The following DTD1 variants were observed in gnomAD, a reference collection of about 807,000 sequenced individuals.
The protein encoded by DTD1 is D-tyrosyl-tRNA deacylase 1 homolog.
A neutral mutation model predicts 25.6 loss-of-function variants in DTD1; 13 were observed. The observed-to-expected ratio is 0.51, with a 90% confidence interval of 0.33 to 0.81. The LOEUF is 0.81. Ranked by LOEUF, DTD1 falls within the 30% of genes least tolerant of loss-of-function variation. The probability of loss-of-function intolerance (pLI) is 0.02; values close to 1 mark genes in which losing one functional copy is unlikely to be tolerated. For synonymous variants in DTD1, 110 were observed against 103.6 expected (o/e 1.06, Z -0.37); for missense variants, 193 against 266.4 (o/e 0.72, Z 1.92).
At chr20:18,734,390 T>A (rs914483690) in intron 4 of DTD1, among the ~76,000 whole-genome samples, 4 of 152,210 alleles carry the variant, frequency 2.6e-5, no homozygotes, top group African/African-American at 9.6e-5. Context: ...TGGCCAGTGG[T>A]GATGTCCTCT....
chr20:18,612,301 TG>T, intron 3 of DTD1, among the ~76,000 whole-genome samples: 1 of 152,270 alleles, frequency 6.6e-6, no homozygotes, highest in South Asian at 2.1e-4. Context: ...CCCAAAGTGC[TG>T]GGATTACAGG....
chr20:18,743,147 A>G (rs1172913313), intron 4 of DTD1, among the ~76,000 whole-genome samples: 2 of 152,186 alleles, frequency 1.3e-5, no homozygotes, highest in Non-Finnish European at 2.9e-5. Context: ...TTGAAGAACT[A>G]TTCAGGGAAG....
chr20:18,595,324 T>C (rs1488257402), intron 2 of DTD1, among the ~76,000 whole-genome samples: 2 of 152,152 alleles, frequency 1.3e-5, no homozygotes, highest in African/African-American at 2.4e-5. Context: ...TGGAGTGCAG[T>C]GGTGCAATCT....
intron 4 of DTD1, among the ~76,000 whole-genome samples, chr20:18,655,186 G>C (rs982493578): frequency 7.9e-5 from 12 of 152,190 alleles, no homozygotes; most frequent in Admixed American, 7.2e-4. Flanking sequence ...TGGTGGGAAT[G>C]CTTCCAATTT....
intron 4 of DTD1, among the ~76,000 whole-genome samples, chr20:18,645,597 T>G (rs554761847): frequency 1.5e-4 from 23 of 152,370 alleles, no homozygotes; most frequent in African/African-American, 5.5e-4. Flanking sequence ...AATAGTGGAA[T>G]ACTATACAAA....
At chr20:18,691,599 G>A (rs1348626439) in intron 4 of DTD1, among the ~76,000 whole-genome samples, 3 of 152,128 alleles carry the variant, frequency 2.0e-5, no homozygotes, top group Admixed American at 2.0e-4. Context: ...AGCAGACACT[G>A]GAGACTACTA....
chr20:18,756,985 C>T (rs1267697724), intron 5 of DTD1, among the ~76,000 whole-genome samples: 3 of 148,734 alleles, frequency 2.0e-5, no homozygotes, highest in East Asian at 2.0e-4. Context: ...AGGTCCTTCA[C>T]ATCCCTTGTA....
chr20:18,642,908 T>TCTTTTCTTTC (rs2060834747), intron 4 of DTD1: 1 of 151,758 alleles, frequency 6.6e-6, no homozygotes, highest in African/African-American at 2.4e-5. Flanking sequence ...TTTCTTTCTT[T>TCTTTTCTTTC]CTTTTCTTTT....
At chr20:18,639,440 G>A (rs1600337043) in intron 4 of DTD1, among the ~76,000 whole-genome samples, 1 of 152,142 alleles carries the variant, frequency 6.6e-6, no homozygotes, top group Non-Finnish European at 1.5e-5. Context: ...TTTTGGAAAA[G>A]TATGTTTCCT....
rs142174387 is a variant in DTD1, at chr20:18,715,458, G to A, written c.478-28642G>A. On this transcript the variant is annotated intron_variant, in intron 4 of 5. Transcript: ENST00000377452. Reference sequence around the variant, plus strand: ...AGTGGTTGCTAAGTGGTGTCTGGCCGTGTACTGGGCTACAGCATTCACGGT... The same window carrying A: ...AGTGGTTGCTAAGTGGTGTCTGGCCATGTACTGGGCTACAGCATTCACGGT... 1.6e-3 allele frequency among the ~76,000 whole-genome samples: 237 copies of A among 152,304 alleles called. 1 individual carries two copies. Among genetic ancestry groups the A allele is most frequent in the African/African-American group, 4.4e-3 (182 of 41,564 alleles).
chr20:18,676,894 C>A (rs1274619287), intron 4 of DTD1, among the ~76,000 whole-genome samples: 2 of 152,170 alleles, frequency 1.3e-5, no homozygotes, highest in Admixed American at 1.3e-4. Flanking sequence ...TCAAGCCCCC[C>A]AAAAGGGCAG....
At chr20:18,688,793 G>A (rs2061028608) in intron 4 of DTD1, among the ~76,000 whole-genome samples, 1 of 152,036 alleles carries the variant, frequency 6.6e-6, no homozygotes, top group African/African-American at 2.4e-5. Flanking sequence ...GTGTTTAATT[G>A]GGTAACCCGT....
intron 4 of DTD1, among the ~76,000 whole-genome samples, chr20:18,662,123 G>T (rs1441904575): frequency 1.3e-5 from 2 of 152,284 alleles, no homozygotes; most frequent in East Asian, 1.9e-4. Context: ...CTGCGGTCCA[G>T]CCTGGGTGAC....
chr20:18,738,309 G>A (rs1321326153), intron 4 of DTD1, among the ~76,000 whole-genome samples: 4 of 152,180 alleles, frequency 2.6e-5, no homozygotes, highest in Admixed American at 6.5e-5. Flanking sequence ...CTTGCTGGGC[G>A]TTGCTGTCTT....
At chr20:18,706,653 A>G (rs916948697) in intron 4 of DTD1, among the ~76,000 whole-genome samples, 5 of 152,226 alleles carry the variant, frequency 3.3e-5, no homozygotes, top group Non-Finnish European at 5.9e-5. Context: ...GAGGAGCTGG[A>G]TTAATAGGTA....
At chr20:18,760,848 G>T (rs1478915220) in intron 5 of DTD1, among the ~76,000 whole-genome samples, 1 of 152,206 alleles carries the variant, frequency 6.6e-6, no homozygotes, top group Non-Finnish European at 1.5e-5. Context: ...GTCTACAGAG[G>T]CAGGCAGGCC....
intron 4 of DTD1, among the ~76,000 whole-genome samples, chr20:18,697,478 G>A (rs955289226): frequency 1.3e-5 from 2 of 152,108 alleles, no homozygotes; most frequent in African/African-American, 4.8e-5. Flanking sequence ...GGGATCAGAA[G>A]TGTTTTGGAT....
At chr20:18,693,672 A>AG (rs1555800989) in intron 4 of DTD1, among the ~76,000 whole-genome samples, 5 of 151,446 alleles carry the variant, frequency 3.3e-5, no homozygotes, top group Non-Finnish European at 5.9e-5. Context: ...AAAAAAAAAA[A>AG]ATTGTCTTCC....
intron 4 of DTD1, among the ~76,000 whole-genome samples, chr20:18,629,473 G>C (rs2060774545): frequency 6.6e-6 from 1 of 151,392 alleles, no homozygotes; most frequent in African/African-American, 2.4e-5. Context: ...GCTAATTTTT[G>C]AATTTGTGTA....
Sources: gnomAD v4.1 joint callset for allele counts (sites outside exome capture counted in the v4.1 genomes callset) on GRCh38, gnomAD v4.1.1 for gene constraint, MANE v1.5 for transcripts, NCBI Gene and HGNC (gene_info 2026-07-23, HGNC 2026-07-21) for gene names.